The following AQP1 variants were observed in gnomAD, a reference collection of about 807,000 sequenced individuals.
The protein encoded by AQP1 is aquaporin-1.
Under a neutral mutation model 19.7 loss-of-function variants are expected in AQP1, and 11 were observed. The ratio of observed to expected loss-of-function variants is 0.56; its 90% CI spans 0.35 to 0.92. AQP1 has a LOEUF of 0.92. AQP1 is among the 40% of genes least tolerant of loss of function. The pLI is 0.01. For missense variants in AQP1, 320 were observed against 369.7 expected, an observed-to-expected ratio of 0.87 and a Z score of 1.10; for synonymous variants, 159 against 166.7, an observed-to-expected ratio of 0.95 and a Z score of 0.36.
In AQP1 at chr7:30,920,329, G is replaced by A. The variant is rs928341820; in HGVS notation, c.385-1737G>A. Among the ~76,000 whole-genome samples the A allele has an allele frequency of 5.9e-5, 9 of 152,286 alleles. No individual in the cohort carries two copies. The South Asian group carries it at 6.2e-4, about 11-fold the overall frequency. ...GAGGGCTCAGATACAGAGGGACAGG[G>A]GCCTCACAGGTGCAAGTGTGGGTGG... is the stretch of plus-strand genomic sequence containing the variant. On this transcript the variant is annotated intron_variant, in intron 1 of 3. Transcript: ENST00000311813.
chr7:30,922,460 C>A (rs1268730899), intron 2 of AQP1, 104 bp from the exon 3 acceptor site: 2 of 1,342,282 alleles, frequency 1.5e-6, no homozygotes, highest in East Asian at 2.3e-5. Context: ...CATTGTCCCC[C>A]ACCCTGATTG....
intron 1 of AQP1, among the ~76,000 whole-genome samples, chr7:30,913,702 C>G (rs1391376911): frequency 6.6e-6 from 1 of 152,202 alleles, no homozygotes; most frequent in Non-Finnish European, 1.5e-5. Context: ...GGTGACACCT[C>G]ACCCAACCTC....
At position 30,912,175 on chromosome 7, in the gene AQP1, T is replaced by C. The variant is rs771986400; in HGVS notation, c.266T>C (p.Ile89Thr). ...CTGGGGCTGCTGCTCAGCTGCCAGA[T>C]CAGCATCTTCCGTGCCCTCATGTAC... ...VTLGLLLSCQISIFRALMYII... is the reference protein window; with the variant it reads ...VTLGLLLSCQTSIFRALMYII... The change falls in exon 1 of 4, where the codon ATC (isoleucine) becomes ACC (threonine). Residue 89 changes from isoleucine (I) to threonine (T), a missense_variant. Transcript: ENST00000311813. The surrounding 1 kb of genome is among the most constrained non-coding windows in gnomAD (Gnocchi z 4.3). 12 of 1,612,690 alleles carry C rather than the reference T, an allele frequency of 7.4e-6. No homozygotes were observed. The highest frequency in any genetic ancestry group is 9.3e-6 in the Non-Finnish European group (11 of 1,180,022).
chr7:30,921,400 AAG>A, intron 1 of AQP1: 4 of 1,416,226 alleles, frequency 2.8e-6, no homozygotes, highest in Non-Finnish European at 3.7e-6. Flanking sequence ...GGGGAGGAAG[AAG>A]AGAGAAGGAG....
chr7:30,921,711 G>C, intron 1 of AQP1: 1 of 1,551,020 alleles, frequency 6.4e-7, no homozygotes, highest in Non-Finnish European at 8.7e-7. Context: ...TTCATGCCTG[G>C]GGCTCGCCCC....
intron 1 of AQP1, among the ~76,000 whole-genome samples, chr7:30,915,542 G>A (rs572521765): frequency 1.7e-4 from 26 of 152,146 alleles, no homozygotes; most frequent in Non-Finnish European, 3.2e-4. Flanking sequence ...GTCAGGCTGG[G>A]GGTGCATGGG....
intron 1 of AQP1, among the ~76,000 whole-genome samples, chr7:30,915,092 A>G (rs1791278379): frequency 6.6e-6 from 1 of 152,216 alleles, no homozygotes; most frequent in Non-Finnish European, 1.5e-5. Context: ...AGATAGGGAC[A>G]TAGCAGGGTG....
chr7:30,912,101 G>A lies in AQP1; in HGVS notation c.192G>A (p.Ala64=), dbSNP rs752109788. Residue 64 remains alanine, a synonymous_variant, in exon 1 of 4, where the codon GCG becomes GCA. Coordinates refer to ENST00000311813, the MANE Select transcript of AQP1 (RefSeq NM_198098.4). This position sits in a 1 kb window ranked among gnomAD's most constrained non-coding sequence, Gnocchi z 4.3. ...TCGGGCTGAGCATCGCCACGCTGGC[G>A]CAGAGTGTGGGCCACATCAGCGGCG... ...LAFGLSIATL[A]QSVGHISGAH... 2.1e-5 allele frequency: 34 copies of A among 1,613,110 alleles called. No homozygotes were observed. The highest frequency in any genetic ancestry group is 5.5e-5 in the South Asian group (5 of 91,088).
rs1204015468 is a variant in AQP1 at position 30,923,952 on chromosome 7, C to T, written c.*323C>T. 7.1e-7 allele frequency: 1 copy of T among 1,415,292 alleles called. No homozygotes were observed. The highest frequency in any genetic ancestry group is 9.4e-7 in the Non-Finnish European group (1 of 1,064,088). The allele number at this position is 1,415,292 out of a possible 1,614,324, so 87.7% of individuals were successfully genotyped here. A position where few individuals can be genotyped will look rare whatever the true frequency, so the allele number is the denominator to read the frequency against. On this transcript the variant is annotated 3_prime_UTR_variant, in exon 4 of 4. Transcript: ENST00000311813. This position sits in a 1 kb window ranked among gnomAD's most constrained non-coding sequence, Gnocchi z 4.8. ...ATGGGAGGTGTGCCAGAAAGTCCCC[C>T]CTCGCCCCAAAGTTGCTCACCGACT... is the stretch of plus-strand genomic sequence containing the variant.
At chr7:30,918,283 C>T (rs1015543188) in intron 1 of AQP1, among the ~76,000 whole-genome samples, 9 of 152,310 alleles carry the variant, frequency 5.9e-5, no homozygotes, top group African/African-American at 1.4e-4. Context: ...TGAGCCACCG[C>T]GCCTGGCCAG....
intron 1 of AQP1, among the ~76,000 whole-genome samples, chr7:30,915,410 G>C (rs2128588884): frequency 6.6e-6 from 1 of 152,346 alleles, no homozygotes; most frequent in African/African-American, 2.4e-5. Flanking sequence ...GAAGGCATCA[G>C]GGAGGAGGTT....
At position 30,923,690 on chromosome 7, in the gene AQP1, A is replaced by AGGGGT. The variant is rs1791593987; in HGVS notation, c.*63_*67dup. 1 of 1,504,334 alleles carries AGGGGT rather than the reference A, an allele frequency of 6.6e-7. No homozygotes were observed. The highest frequency in any genetic ancestry group is 1.4e-5 in the African/African-American group (1 of 69,448). 93.2% of individuals were successfully genotyped at this position (1,504,334 alleles called of 1,614,324 possible). On this transcript the variant is annotated 3_prime_UTR_variant, in exon 4 of 4. Coordinates refer to ENST00000311813, the MANE Select transcript of AQP1 (RefSeq NM_198098.4). The surrounding 1 kb of genome is among the most constrained non-coding windows in gnomAD (Gnocchi z 4.8). ...GGGCAGGGGCGGGCGGAGGGAGGGGAGGGGTGAAATCCATACTGTAGACAC... is the reference window on the plus strand; with the variant it reads ...GGGCAGGGGCGGGCGGAGGGAGGGGAGGGGTGGGGTGAAATCCATACTGTAGACAC...
At chr7:30,914,907 C>T (rs1791273664) in intron 1 of AQP1, among the ~76,000 whole-genome samples, 1 of 152,234 alleles carries the variant, frequency 6.6e-6, no homozygotes, top group African/African-American at 2.4e-5. Flanking sequence ...CGTGGGCCTC[C>T]GTCCAGCCTG....
intron 1 of AQP1, among the ~76,000 whole-genome samples, chr7:30,918,538 G>T (rs1412980982): frequency 6.6e-6 from 1 of 152,186 alleles, no homozygotes; most frequent in East Asian, 1.9e-4. Flanking sequence ...CTGAGTCTTG[G>T]AGGCACTGGG....
chr7:30,921,835 G>A (rs556967160), intron 1 of AQP1: 2 of 1,549,132 alleles, frequency 1.3e-6, no homozygotes, highest in African/African-American at 1.4e-5. Context: ...CTGGGTCTAG[G>A]CAGGTATTAG....
intron 1 of AQP1, among the ~76,000 whole-genome samples, chr7:30,919,397 A>T (rs1791438414): frequency 6.6e-6 from 1 of 152,160 alleles, no homozygotes; most frequent in South Asian, 2.1e-4. Context: ...TGGGCTTACA[A>T]GGGCTTAGCA....
chr7:30,917,354 T>C (rs1791385559), intron 1 of AQP1, among the ~76,000 whole-genome samples: 1 of 152,136 alleles, frequency 6.6e-6, no homozygotes, highest in East Asian at 1.9e-4. Context: ...CCTTTTCCTC[T>C]CCCTGCCCTG....
At position 30,912,212 on chromosome 7, in the gene AQP1, G is replaced by T. The variant is rs1791185183; in HGVS notation, c.303G>T (p.Gln101His). Residue 101 changes from glutamine (Q) to histidine (H), a missense_variant, in exon 1 of 4, where the codon CAG becomes CAT. Coordinates refer to ENST00000311813, the MANE Select transcript of AQP1 (RefSeq NM_198098.4). The surrounding 1 kb of genome is among the most constrained non-coding windows in gnomAD (Gnocchi z 4.3). ...GTGCCCTCATGTACATCATCGCCCA[G>T]TGCGTGGGGGCCATCGTCGCCACCG... ...IFRALMYIIA[Q>H]CVGAIVATAI... 4 of 1,611,300 alleles carry T rather than the reference G, an allele frequency of 2.5e-6. No individual in the cohort carries two copies. Among genetic ancestry groups the T allele is most frequent in the Non-Finnish European group, 3.4e-6 (4 of 1,180,014 alleles).
Position 30,922,228 on chromosome 7 carries a change from G to A in AQP1, c.547G>A (p.Ala183Thr). 6.3e-7 allele frequency: 1 copy of A among 1,599,852 alleles called. No individual in the cohort carries two copies. The highest frequency in any genetic ancestry group is 1.1e-5 in the South Asian group (1 of 90,200). ...CTCTGTAGCCCTTGGACACCTCCTG[G>A]CTGTGAGTCAGGGGCCCTCCCAGAT... Reference protein sequence around the residue: ...GLSVALGHLLAIDYTGCGINP... With the variant: ...GLSVALGHLLTIDYTGCGINP... The change falls in exon 2 of 4, where the codon GCT becomes ACT. Residue 183 changes from alanine (A) to threonine (T), a missense_variant and splice_region_variant. By Grantham distance (58) the Ala-to-Thr change is moderately conservative. Transcript: ENST00000311813.
Sources: allele counts gnomAD v4.1 joint callset (sites outside exome capture counted in the v4.1 genomes callset), GRCh38; gene constraint gnomAD v4.1.1; non-coding constraint Gnocchi (gnomAD v3.1); transcripts MANE v1.5; gene names NCBI Gene and HGNC (gene_info 2026-07-23, HGNC 2026-07-21).